TFDP1: variants seen among roughly 807,000 people sequenced by gnomAD.
TFDP1 encodes the protein DRTF1-polypeptide 1.
Under a neutral mutation model 48.0 loss-of-function variants are expected in TFDP1, and 6 were observed. The ratio of observed to expected loss-of-function variants is 0.13; its 90% CI spans 0.07 to 0.25. TFDP1 has a LOEUF of 0.25. Among genes scored for constraint, TFDP1 ranks in the 10% least tolerant of loss-of-function variants. The probability of loss-of-function intolerance (pLI) is 1.00; values close to 1 mark genes in which losing one functional copy is unlikely to be tolerated. For missense variants in TFDP1, 335 were observed against 543.0 expected (o/e 0.62, Z 3.81); for synonymous variants, 201 against 211.6 (o/e 0.95, Z 0.44).
intron 1 of TFDP1, chr13:113,585,258 C>G (rs943295741): frequency 4.7e-5 from 7 of 150,022 alleles, no homozygotes; most frequent in Non-Finnish European, 1.0e-4. Flanking sequence ...TTCCGGCGCG[C>G]GCGGGAGGCG....
In TFDP1 at chr13:113,584,808, CCCGCGCCTCT is replaced by C. The variant is rs1310031246; in HGVS notation, c.-137_-128del. 3 of 146,332 alleles carry C rather than the reference CCCGCGCCTCT, an allele frequency of 2.1e-5. No individual in the cohort carries two copies. Among genetic ancestry groups the C allele is most frequent in the Admixed American group, 1.4e-4 (2 of 14,726 alleles). The allele number at this position is 146,332 out of a possible 1,614,324, so 9.1% of individuals were successfully genotyped here. ...CCGGGACCGCCCGGCCCGGCCCCAG[CCCGCGCCTCT>C]CCGCGCCGCCCCGCGCTCCGCACCG... On this transcript the variant is annotated 5_prime_UTR_variant, in exon 1 of 12. Coordinates refer to ENST00000375370, the MANE Select transcript of TFDP1 (RefSeq NM_007111.5).
chr13:113,616,222 A>C (rs1182760098), intron 3 of TFDP1, among the ~76,000 whole-genome samples: 1 of 45,652 alleles, frequency 2.2e-5, no homozygotes, highest in East Asian at 5.9e-4. Flanking sequence ...AAAAAAAAAG[A>C]GTAAGTGTGT....
intron 2 of TFDP1, among the ~76,000 whole-genome samples, chr13:113,587,756 G>C (rs561592790): frequency 9.2e-5 from 14 of 152,114 alleles, no homozygotes; most frequent in Non-Finnish European, 1.5e-4. Context: ...GAGCCACCGC[G>C]CCCGGCCTAG....
intron 8 of TFDP1, among the ~76,000 whole-genome samples, chr13:113,635,663 G>T (rs2049465131): frequency 6.6e-6 from 1 of 152,216 alleles, no homozygotes; most frequent in African/African-American, 2.4e-5. Context: ...TCTTAGAGGG[G>T]TGAAGGACAG....
chr13:113,614,408 C>T (rs1056906318), intron 3 of TFDP1, among the ~76,000 whole-genome samples: 51 of 152,276 alleles, frequency 3.3e-4, no homozygotes, highest in Middle Eastern at 3.4e-3. Flanking sequence ...GTTGCAGCTG[C>T]TTTTTGAGTT....
intron 4 of TFDP1, among the ~76,000 whole-genome samples, chr13:113,626,095 T>G (rs1455102054): frequency 8.8e-6 from 1 of 114,102 alleles, no homozygotes; most frequent in Non-Finnish European, 1.7e-5. Context: ...CTCAGGTGTT[T>G]CTCAGGTGTC....
intron 3 of TFDP1, among the ~76,000 whole-genome samples, chr13:113,619,782 G>C (rs2048953583): frequency 6.6e-6 from 1 of 152,206 alleles, no homozygotes; most frequent in African/African-American, 2.4e-5. Context: ...TGGTGACCCA[G>C]GGGTGCTGCT....
In TFDP1 at chr13:113,611,929, G is replaced by A. The variant is rs192260627; in HGVS notation, c.79+867G>A. On this transcript the variant is annotated intron_variant, in intron 3 of 11. Transcript: ENST00000375370. The stretch of plus-strand genomic sequence containing the variant: ...CCCTGGTCGCAACATCCACGTGGTC[G>A]CATCAGCCCAGGGAGGAGCCCAGAG... 3.2e-4 allele frequency among the ~76,000 whole-genome samples: 49 copies of A among 152,326 alleles called. 1 individual carries two copies. In the Middle Eastern group the frequency reaches 0.014, roughly 42 times the overall value.
intron 2 of TFDP1, among the ~76,000 whole-genome samples, chr13:113,605,288 C>T (rs1040718771): frequency 6.6e-6 from 1 of 152,082 alleles, no homozygotes; most frequent in South Asian, 2.1e-4. Flanking sequence ...GTGATCTTTC[C>T]GTGCGGAACT....
intron 2 of TFDP1, among the ~76,000 whole-genome samples, chr13:113,586,538 T>A (rs1327734211): frequency 1.3e-5 from 2 of 152,214 alleles, no homozygotes; most frequent in African/African-American, 4.8e-5. Flanking sequence ...AGCTGGATTC[T>A]TTAGTGTTTC....
chr13:113,634,043 C>G lies in TFDP1; in HGVS notation c.618+10C>G. 1 of 1,614,184 alleles carries G rather than the reference C, an allele frequency of 6.2e-7. No homozygotes were observed. The highest frequency in any genetic ancestry group is 2.2e-5 in the East Asian group (1 of 44,880). On this transcript the variant is annotated intron_variant, in intron 7 of 11. Transcript: ENST00000375370. ...ATGTCAGAACTTAGAGGTGCCCCTT[C>G]AGCCTTCCTTCAACCTTGATTTCCC...
At chr13:113,634,123 G>A (rs747107630) in intron 7 of TFDP1, 90 bp downstream of exon 7, 12 of 1,555,252 alleles carry the variant, frequency 7.7e-6, no homozygotes, top group East Asian at 2.2e-5. Flanking sequence ...TCTGGGCTCC[G>A]TGCCCTTATG....
At chr13:113,625,515 G>A (rs1421742955) in intron 4 of TFDP1, among the ~76,000 whole-genome samples, 1 of 106,944 alleles carries the variant, frequency 9.4e-6, no homozygotes, top group Admixed American at 8.8e-5. Context: ...TGTCTCTCAC[G>A]TGTCCTCAGG....
At chr13:113,591,069 T>C (rs1044263175) in intron 2 of TFDP1, among the ~76,000 whole-genome samples, 1 of 148,494 alleles carries the variant, frequency 6.7e-6, no homozygotes, top group African/African-American at 2.5e-5. Context: ...GTTTTGCCCC[T>C]GCTGGGCACG....
intron 4 of TFDP1, among the ~76,000 whole-genome samples, chr13:113,625,923 T>C (rs1375862053): frequency 5.1e-5 from 7 of 137,952 alleles, no homozygotes; most frequent in East Asian, 4.6e-4. Flanking sequence ...GTCTCTCACG[T>C]GTCCTCAGGT....
intron 10 of TFDP1, chr13:113,637,346 T>C: frequency 3.0e-6 from 1 of 333,548 alleles, no homozygotes; most frequent in Non-Finnish European, 5.8e-6. Context: ...CTCCCTGAGC[T>C]CTTAGACTGC....
chr13:113,634,627 G>T, intron 8 of TFDP1, 25 bp downstream of exon 8: 1 of 1,570,790 alleles, frequency 6.4e-7, no homozygotes, highest in East Asian at 2.2e-5. Context: ...ATCTGTGGAG[G>T]CAGGGTAATT....
At chr13:113,610,370 C>G (rs1483428213) in intron 2 of TFDP1, among the ~76,000 whole-genome samples, 2 of 151,744 alleles carry the variant, frequency 1.3e-5, no homozygotes, top group African/African-American at 2.4e-5. Flanking sequence ...TGTACCATCA[C>G]ACGTGTGACC....
At chr13:113,624,023 A>G (rs900377603) in intron 4 of TFDP1, among the ~76,000 whole-genome samples, 3 of 152,148 alleles carry the variant, frequency 2.0e-5, no homozygotes, top group Non-Finnish European at 4.4e-5. Context: ...AGCCATCCCA[A>G]GGCTAGGCCG....
Sources: allele counts gnomAD v4.1 joint callset (sites outside exome capture counted in the v4.1 genomes callset), GRCh38; gene constraint gnomAD v4.1.1; transcripts MANE v1.5; gene names NCBI Gene and HGNC (gene_info 2026-07-23, HGNC 2026-07-21).